DGKB: variants seen among roughly 807,000 people sequenced by gnomAD.
DGKB encodes 90 kDa diacylglycerol kinase.
A neutral mutation model predicts 114.3 loss-of-function variants in DGKB; 67 were observed. That is an observed-to-expected ratio of 0.59 (90% CI 0.48 to 0.72). DGKB has a LOEUF of 0.72. DGKB is among the 30% of genes least tolerant of loss of function. The pLI, the probability that DGKB is intolerant of heterozygous loss-of-function variation, is 0.00. For synonymous variants in DGKB, 398 were observed against 323.1 expected, an observed-to-expected ratio of 1.23 and a Z score of -2.49; for missense variants, 907 against 975.2, an observed-to-expected ratio of 0.93 and a Z score of 0.93.
rs747522705 is a variant in DGKB, at chr7:14,685,378, G to C, written c.712-16C>G. Reference sequence around the variant, plus strand: ...CCTTCACGTTCTGCATGGGACGTAAGAGAAACAGATTTCACTTAATGAAAT... The same window carrying C: ...CCTTCACGTTCTGCATGGGACGTAACAGAAACAGATTTCACTTAATGAAAT... On this transcript the variant is annotated splice_polypyrimidine_tract_variant and intron_variant, in intron 9 of 25. Coordinates refer to ENST00000402815, the MANE Select transcript of DGKB (RefSeq NM_001350709.2). 1.9e-6 allele frequency: 3 copies of C among 1,564,202 alleles called. No homozygotes were observed. Among genetic ancestry groups the C allele is most frequent in the Admixed American group, 3.3e-5 (2 of 59,864 alleles).
chr7:14,849,691 G>A (rs1315061589), intron 1 of DGKB, among the ~76,000 whole-genome samples: 3 of 152,116 alleles, frequency 2.0e-5, no homozygotes, highest in African/African-American at 4.8e-5. Context: ...CTGGGCATGA[G>A]GTGGAGTAAT....
At chr7:14,312,104 A>G (rs191877510) in intron 23 of DGKB, among the ~76,000 whole-genome samples, 1 of 152,346 alleles carries the variant, frequency 6.6e-6, no homozygotes, top group South Asian at 2.1e-4. Context: ...CATTTCAAAA[A>G]GAAAAATCAG....
intron 20 of DGKB, among the ~76,000 whole-genome samples, chr7:14,555,835 T>C (rs939852419): frequency 8.5e-5 from 13 of 152,088 alleles, no homozygotes; most frequent in Non-Finnish European, 1.5e-4. Flanking sequence ...AGTTGACAAA[T>C]GCCATGGCAA....
At chr7:14,514,775 C>A (rs1016268967) in intron 20 of DGKB, among the ~76,000 whole-genome samples, 20 of 152,036 alleles carry the variant, frequency 1.3e-4, no homozygotes, top group African/African-American at 4.8e-4. Context: ...AAAAGGAGGC[C>A]AGGTACAGTG....
At chr7:14,859,222 G>A (rs217546) in intron 1 of DGKB, among the ~76,000 whole-genome samples, 150,645 of 152,144 alleles carry the variant, frequency 0.99, 74,595 homozygotes, top group Middle Eastern at 1. Context: ...TAGAAACTGA[G>A]GTCTGGGAAA....
intron 1 of DGKB, among the ~76,000 whole-genome samples, chr7:14,948,031 T>C (rs17168538): frequency 0.046 from 6,970 of 151,786 alleles, 473 homozygotes; most frequent in African/African-American, 0.15. Flanking sequence ...GGAATGGTTA[T>C]ATTTTCACAA....
intron 23 of DGKB, chr7:14,269,099 C>G (rs1453476759): frequency 2.0e-5 from 3 of 152,224 alleles, no homozygotes; most frequent in Non-Finnish European, 1.5e-5. Flanking sequence ...GCCTCAGTCC[C>G]TCAGAGGCTA....
chr7:14,516,221 T>C (rs1010740878), intron 20 of DGKB, among the ~76,000 whole-genome samples: 3 of 152,188 alleles, frequency 2.0e-5, no homozygotes, highest in African/African-American at 4.8e-5. Flanking sequence ...ATGAGTAATA[T>C]GTTGTTGGAA....
At chr7:14,801,968 C>T (rs1351009314) in intron 2 of DGKB, among the ~76,000 whole-genome samples, 4 of 150,796 alleles carry the variant, frequency 2.7e-5, no homozygotes, top group Admixed American at 2.0e-4. Context: ...ATACCCCACA[C>T]ATACACACAC....
intron 20 of DGKB, among the ~76,000 whole-genome samples, chr7:14,544,237 C>A (rs1204549585): frequency 6.6e-6 from 1 of 152,018 alleles, no homozygotes; most frequent in African/African-American, 2.4e-5. Flanking sequence ...CTTTTGTAGG[C>A]CTTTAAAAAT....
At chr7:14,879,395 G>T (rs1853867121) in intron 1 of DGKB, among the ~76,000 whole-genome samples, 1 of 152,166 alleles carries the variant, frequency 6.6e-6, no homozygotes, top group Non-Finnish European at 1.5e-5. Context: ...CACTTCAGAT[G>T]TGAGTTTGCT....
At chr7:14,782,271 TCTC>T (rs1472255164) in intron 2 of DGKB, among the ~76,000 whole-genome samples, 3 of 152,118 alleles carry the variant, frequency 2.0e-5, no homozygotes, top group Admixed American at 1.3e-4. Context: ...AGTGATCTGC[TCTC>T]CTCAGCCTCT....
At chr7:14,302,715 CCAGT>C (rs1384139669) in intron 23 of DGKB, among the ~76,000 whole-genome samples, 23 of 152,214 alleles carry the variant, frequency 1.5e-4, no homozygotes, top group African/African-American at 4.8e-4. Context: ...TATTTCTTGA[CCAGT>C]CATTCTAAAT....
chr7:14,477,048 C>T (rs957846078), intron 21 of DGKB, among the ~76,000 whole-genome samples: 42 of 151,968 alleles, frequency 2.8e-4, no homozygotes, highest in African/African-American at 9.4e-4. Context: ...CCGTGCCCGG[C>T]CTACTAAAAA....
At chr7:14,526,499 G>C (rs537758850) in intron 20 of DGKB, among the ~76,000 whole-genome samples, 13 of 151,978 alleles carry the variant, frequency 8.6e-5, no homozygotes, top group East Asian at 5.8e-4. Context: ...TCAAACAATG[G>C]GAAGAGTCAA....
intron 2 of DGKB, among the ~76,000 whole-genome samples, chr7:14,834,456 G>T (rs1366948677): frequency 6.6e-6 from 1 of 152,166 alleles, no homozygotes; most frequent in Non-Finnish European, 1.5e-5. Flanking sequence ...ATGGTCATGT[G>T]AATTGCTTAG....
rs79504724 is a variant in DGKB at position 14,270,923 on chromosome 7, T to C, written c.2122+67592A>G. Among the ~76,000 whole-genome samples the C allele has an allele frequency of 1.4e-3, 210 of 152,306 alleles. 8 individuals carry two copies. In the East Asian group the frequency reaches 0.033, roughly 24 times the overall value. On this transcript the variant is annotated intron_variant, in intron 23 of 25. Transcript: ENST00000402815. The stretch of plus-strand genomic sequence containing the variant: ...TTCAAGAAGAGAGAAAACTTAAACA[T>C]ATGGTTACTGGAGTCCAGATTAAAA...
intron 23 of DGKB, among the ~76,000 whole-genome samples, chr7:14,300,567 T>G (rs1803361494): frequency 6.6e-6 from 1 of 152,156 alleles, no homozygotes; most frequent in African/African-American, 2.4e-5. Flanking sequence ...AGTTATGTAT[T>G]CTTATAAATC....
chr7:14,400,131 C>T (rs1822868478), intron 21 of DGKB, among the ~76,000 whole-genome samples: 1 of 151,780 alleles, frequency 6.6e-6, no homozygotes, highest in Non-Finnish European at 1.5e-5. Flanking sequence ...AATTGCAAAT[C>T]AAAGAGGAAA....
Sources: gnomAD v4.1 joint callset for allele counts (sites outside exome capture counted in the v4.1 genomes callset) on GRCh38, gnomAD v4.1.1 for gene constraint, MANE v1.5 for transcripts, NCBI Gene and HGNC (gene_info 2026-07-23, HGNC 2026-07-21) for gene names.